RAPGEF4: variants seen among roughly 807,000 people sequenced by gnomAD.
The protein encoded by RAPGEF4 is RAP guanine-nucleotide-exchange factor (GEF) 4.
A neutral mutation model predicts 147.9 loss-of-function variants in RAPGEF4; 66 were observed. The ratio of observed to expected loss-of-function variants is 0.45; its 90% CI spans 0.37 to 0.55. The LOEUF is 0.55. RAPGEF4 is among the 20% of genes least tolerant of loss of function. RAPGEF4 has a pLI of 0.00. For missense variants in RAPGEF4, 1,071 were observed against 1,257.3 expected, an observed-to-expected ratio of 0.85 and a Z score of 2.24; for synonymous variants, 419 against 442.7, an observed-to-expected ratio of 0.95 and a Z score of 0.67.
chr2:172,784,463 C>A (rs547348880), intron 1 of RAPGEF4, among the ~76,000 whole-genome samples: 4 of 150,736 alleles, frequency 2.7e-5, no homozygotes, highest in African/African-American at 4.9e-5. Flanking sequence ...GCTTGCAGTG[C>A]GCCGAGATCG....
intron 3 of RAPGEF4, among the ~76,000 whole-genome samples, chr2:172,807,570 A>C (rs1687630226): frequency 6.6e-6 from 1 of 152,240 alleles, no homozygotes; most frequent in African/African-American, 2.4e-5. Flanking sequence ...ACTTAAGATG[A>C]CTTGGAGCAC....
chr2:172,983,418 T>C (rs1691891778), intron 10 of RAPGEF4, 78 bp from the exon 11 acceptor site: 1 of 1,546,050 alleles, frequency 6.5e-7, no homozygotes, highest in African/African-American at 1.4e-5. Flanking sequence ...ATGTTACTGA[T>C]GCCTGGATCC....
intron 4 of RAPGEF4, among the ~76,000 whole-genome samples, chr2:172,818,474 A>G (rs1185000071): frequency 1.3e-5 from 2 of 152,206 alleles, no homozygotes; most frequent in African/African-American, 4.8e-5. Context: ...GGTTCCAAAT[A>G]GTAAAAATTA....
chr2:172,997,774 T>G (rs1186317240), intron 16 of RAPGEF4, among the ~76,000 whole-genome samples: 1 of 152,220 alleles, frequency 6.6e-6, no homozygotes, highest in African/African-American at 2.4e-5. Context: ...CTCAAAAACT[T>G]AGTTCAAAAT....
chr2:172,864,234 T>G (rs1209715428), intron 4 of RAPGEF4, among the ~76,000 whole-genome samples: 1 of 152,124 alleles, frequency 6.6e-6, no homozygotes. Flanking sequence ...ATACCTGAGG[T>G]AGCTGGGGCA....
intron 17 of RAPGEF4, among the ~76,000 whole-genome samples, chr2:173,005,526 T>TTTTTTG (rs1553546851): frequency 3.7e-5 from 5 of 133,854 alleles, no homozygotes; most frequent in Non-Finnish European, 7.9e-5. Flanking sequence ...TTGTGTTTTT[T>TTTTTTG]TTTTTTTTTT....
chr2:172,939,827 AT>A (rs1172441695), intron 6 of RAPGEF4, among the ~76,000 whole-genome samples: 9 of 150,438 alleles, frequency 6.0e-5, no homozygotes, highest in Admixed American at 4.0e-4. Context: ...GTGTAGATTC[AT>A]TTTTTTTAGC....
intron 29 of RAPGEF4, among the ~76,000 whole-genome samples, chr2:173,037,928 C>T (rs776476986): frequency 7.9e-5 from 12 of 152,158 alleles, no homozygotes; most frequent in Non-Finnish European, 1.3e-4. Flanking sequence ...CAAGCTGGCA[C>T]GTGTGACTCC....
chr2:172,811,695 A>G (rs1574916145), intron 3 of RAPGEF4, among the ~76,000 whole-genome samples: 1 of 152,334 alleles, frequency 6.6e-6, no homozygotes, highest in African/African-American at 2.4e-5. Flanking sequence ...ATCCTGACCC[A>G]TGGAGATCTG....
chr2:172,914,294 C>T (rs1277151142), intron 4 of RAPGEF4, among the ~76,000 whole-genome samples: 3 of 144,376 alleles, frequency 2.1e-5, no homozygotes, highest in African/African-American at 7.7e-5. Context: ...GAGGGAGGTT[C>T]CTAGCTCAGT....
chr2:172,817,126 A>C (rs769792295), intron 4 of RAPGEF4, among the ~76,000 whole-genome samples: 3 of 152,084 alleles, frequency 2.0e-5, no homozygotes, highest in Non-Finnish European at 4.4e-5. Flanking sequence ...AGTATCTCCT[A>C]TGTGTTAGGT....
chr2:172,761,763 T>C (rs1696367376), intron 1 of RAPGEF4, among the ~76,000 whole-genome samples: 1 of 151,974 alleles, frequency 6.6e-6, no homozygotes, highest in South Asian at 2.1e-4. Flanking sequence ...TACAAGGAGA[T>C]CAGTGGGTGC....
At chr2:172,754,606 T>C (rs930536143) in intron 1 of RAPGEF4, among the ~76,000 whole-genome samples, 1 of 152,182 alleles carries the variant, frequency 6.6e-6, no homozygotes, top group African/African-American at 2.4e-5. Flanking sequence ...AGCTGCTAAG[T>C]GCTAGGGACC....
chr2:172,968,802 G>A (rs1054790918), intron 10 of RAPGEF4, among the ~76,000 whole-genome samples: 1 of 152,128 alleles, frequency 6.6e-6, no homozygotes, highest in Non-Finnish European at 1.5e-5. Context: ...ATGGCTGAGG[G>A]GGCACAAGAG....
intron 29 of RAPGEF4, among the ~76,000 whole-genome samples, chr2:173,044,966 C>G (rs371618767): frequency 6.6e-6 from 1 of 152,226 alleles, no homozygotes; most frequent in African/African-American, 2.4e-5. Context: ...CCAGGCAGGC[C>G]AACCTGCTCT....
At chr2:172,939,297 C>G (rs978007263) in intron 6 of RAPGEF4, among the ~76,000 whole-genome samples, 1 of 152,146 alleles carries the variant, frequency 6.6e-6, no homozygotes, top group Non-Finnish European at 1.5e-5. Flanking sequence ...ATGAGAGTTC[C>G]TTTGTTCTGC....
intron 6 of RAPGEF4, among the ~76,000 whole-genome samples, chr2:172,956,303 C>A (rs1688721019): frequency 6.6e-6 from 1 of 152,204 alleles, no homozygotes; most frequent in South Asian, 2.1e-4. Flanking sequence ...ATTTTCCTCC[C>A]CTGGTGCAAC....
chr2:173,046,384 A>G (rs1359385455), intron 29 of RAPGEF4, among the ~76,000 whole-genome samples: 1 of 151,524 alleles, frequency 6.6e-6, no homozygotes, highest in East Asian at 1.9e-4. Flanking sequence ...AGCTTTCAAA[A>G]CTAAAAAGCA....
intron 10 of RAPGEF4, among the ~76,000 whole-genome samples, chr2:172,968,757 T>C (rs1690136957): frequency 6.6e-6 from 1 of 152,228 alleles, no homozygotes; most frequent in Non-Finnish European, 1.5e-5. Context: ...CCAGCCAATG[T>C]ATGCTTTCTC....
Sources: allele counts gnomAD v4.1 joint callset (sites outside exome capture counted in the v4.1 genomes callset), GRCh38; gene constraint gnomAD v4.1.1; transcripts MANE v1.5; gene names NCBI Gene and HGNC (gene_info 2026-07-23, HGNC 2026-07-21).